ARHGEF3: variants seen among roughly 807,000 people sequenced by gnomAD.
The protein encoded by ARHGEF3 is Rho guanine nucleotide exchange factor 3.
A neutral mutation model predicts 63.2 loss-of-function variants in ARHGEF3; 28 were observed. The observed-to-expected ratio is 0.44, with a 90% confidence interval of 0.33 to 0.61. The LOEUF is 0.61. Among genes scored for constraint, ARHGEF3 ranks in the 20% least tolerant of loss-of-function variants. ARHGEF3 has a pLI of 0.03. For synonymous variants in ARHGEF3, 266 were observed against 254.2 expected (o/e 1.05, Z -0.44); for missense variants, 533 against 659.3 (o/e 0.81, Z 2.10).
Position 56,806,977 on chromosome 3 carries a change from G to A in ARHGEF3, c.193-33161C>T, listed in dbSNP as rs945403511. ...TTGCTCACTGCAACCTCCACCTCCC[G>A]GCCTCAAGCAATTTTCCCGCCTCAG... On this transcript the variant is annotated intron_variant, in intron 4 of 12. Transcript: ENST00000338458. Among the ~76,000 whole-genome samples the A allele has an allele frequency of 5.3e-5, 8 of 151,324 alleles. No homozygotes were observed. In the South Asian group the frequency reaches 8.4e-4, roughly 16 times the overall value.
At chr3:57,055,950 G>A (rs1406328287) in intron 1 of ARHGEF3, among the ~76,000 whole-genome samples, 1 of 152,196 alleles carries the variant, frequency 6.6e-6, no homozygotes, top group Non-Finnish European at 1.5e-5. Flanking sequence ...ATGTGAATAG[G>A]GAAAAGGTAA....
intron 4 of ARHGEF3, among the ~76,000 whole-genome samples, chr3:56,858,898 G>T (rs35992377): frequency 0.35 from 53,926 of 152,032 alleles, 11,014 homozygotes; most frequent in Non-Finnish European, 0.45. Context: ...TTAAGTCAGG[G>T]ATTCTTACTT....
intron 4 of ARHGEF3, among the ~76,000 whole-genome samples, chr3:56,872,989 T>A (rs35886876): frequency 0.42 from 63,857 of 151,868 alleles, 13,494 homozygotes; most frequent in East Asian, 0.53. Flanking sequence ...ATTAACTTTT[T>A]ATTTTATTAT....
In ARHGEF3 at chr3:57,042,673, TATATATATATATATATATA is replaced by T. The variant is rs1704247295; in HGVS notation, c.-27-7516_-27-7498del. ...ATAAATATATATATATATATATATATATATATATATATATATATATATATATATTTTTTTTTTTTTTTAG... is the reference window on the plus strand; with the variant it reads ...ATAAATATATATATATATATATATATTATATATATTTTTTTTTTTTTTTAG... On this transcript the variant is annotated intron_variant, in intron 1 of 12. Transcript: ENST00000338458. 3.8e-3 allele frequency among the ~76,000 whole-genome samples: 144 copies of T among 37,648 alleles called. 6 individuals carry two copies. Among genetic ancestry groups the T allele is most frequent in the African/African-American group, 9.8e-3 (94 of 9,590 alleles). The allele number at this position is 37,648 out of a possible 152,430, so 24.7% of individuals were successfully genotyped here.
rs1699788470 is a variant in ARHGEF3 at position 56,951,134 on chromosome 3, TG to T, written c.129+7688del. Among the ~76,000 whole-genome samples, 2 of 147,796 alleles carry T rather than the reference TG, an allele frequency of 1.4e-5. 1 individual carries two copies. The highest frequency in any genetic ancestry group is 5.1e-5 in the African/African-American group (2 of 39,550). Reference sequence around the variant, plus strand: ...TCACACACCGGGGCCTGTTGTGCGGTGGGGGGAGGGGGGATGGATAGCATTA... The same window carrying T: ...TCACACACCGGGGCCTGTTGTGCGGTGGGGGAGGGGGGATGGATAGCATTA... On this transcript the variant is annotated intron_variant, in intron 3 of 12. Transcript: ENST00000338458.
At chr3:56,921,058 A>C (rs1371814543) in intron 3 of ARHGEF3, among the ~76,000 whole-genome samples, 4 of 108,826 alleles carry the variant, frequency 3.7e-5, no homozygotes, top group East Asian at 7.4e-4. Context: ...CCATCTCAAA[A>C]AAAAAAAAAA....
intron 1 of ARHGEF3, among the ~76,000 whole-genome samples, chr3:56,799,781 T>C (rs1387442682): frequency 5.9e-5 from 9 of 152,198 alleles, no homozygotes; most frequent in Admixed American, 2.6e-4. Flanking sequence ...TATCAGGAAG[T>C]GATATGCTCA....
chr3:56,922,427 G>A (rs13075814), intron 3 of ARHGEF3, among the ~76,000 whole-genome samples: 4,464 of 134,644 alleles, frequency 0.033, 108 homozygotes, highest in Middle Eastern at 0.058. Flanking sequence ...TTGGAAATGA[G>A]ACTTACTATT....
At chr3:56,865,587 A>G (rs565753148) in intron 4 of ARHGEF3, among the ~76,000 whole-genome samples, 34 of 152,330 alleles carry the variant, frequency 2.2e-4, no homozygotes, top group Admixed American at 7.8e-4. Context: ...CCTCTATGGA[A>G]GTTAGTAAAT....
At chr3:56,782,709 C>T (rs115604002) in intron 1 of ARHGEF3, among the ~76,000 whole-genome samples, 1,788 of 151,206 alleles carry the variant, frequency 0.012, 35 homozygotes, top group African/African-American at 0.041. Flanking sequence ...CAGGGACAGC[C>T]TGGATAACTA....
intron 1 of ARHGEF3, among the ~76,000 whole-genome samples, chr3:57,044,558 G>A (rs892107208): frequency 6.6e-6 from 1 of 152,206 alleles, no homozygotes; most frequent in Non-Finnish European, 1.5e-5. Flanking sequence ...CCACCAGGCA[G>A]CCTACAGGTT....
chr3:56,968,245 T>TTATATA (rs1560094398), intron 2 of ARHGEF3, among the ~76,000 whole-genome samples: 22 of 42,986 alleles, frequency 5.1e-4, no homozygotes, highest in Admixed American at 9.8e-4. Context: ...AATATATATA[T>TTATATA]TAATATATAA....
chr3:56,846,691 ACT>A (rs774407639), intron 4 of ARHGEF3, among the ~76,000 whole-genome samples: 57 of 152,112 alleles, frequency 3.7e-4, no homozygotes, highest in Non-Finnish European at 7.5e-4. Flanking sequence ...GTATGGACTA[ACT>A]TCACAACTTT....
At position 56,832,111 on chromosome 3, in the gene ARHGEF3, G is replaced by A. The variant is rs537067623; in HGVS notation, c.192+50181C>T. On this transcript the variant is annotated intron_variant, in intron 4 of 12. Transcript: ENST00000338458. ...CAGTGGGATCTTAGCAGGCAAAGCA[G>A]GGCTCTGAGCTGGACAAGCAGGCAG... Among the ~76,000 whole-genome samples, 3 of 152,346 alleles carry A rather than the reference G, an allele frequency of 2.0e-5. No individual in the cohort carries two copies. The South Asian group carries it at 6.2e-4, about 32-fold the overall frequency.
intron 4 of ARHGEF3, among the ~76,000 whole-genome samples, chr3:56,842,474 C>A (rs974961364): frequency 6.6e-6 from 1 of 152,208 alleles, no homozygotes; most frequent in Admixed American, 6.5e-5. Flanking sequence ...CTTCTATAGA[C>A]TGCTTCCCAG....
chr3:56,926,275 G>A (rs1418693503), intron 3 of ARHGEF3, among the ~76,000 whole-genome samples: 1 of 152,166 alleles, frequency 6.6e-6, no homozygotes, highest in African/African-American at 2.4e-5. Flanking sequence ...ACAGTCAAGG[G>A]GTCTATGGAA....
intron 2 of ARHGEF3, among the ~76,000 whole-genome samples, chr3:56,990,429 C>T (rs1317835142): frequency 6.6e-6 from 1 of 152,132 alleles, no homozygotes; most frequent in Non-Finnish European, 1.5e-5. Flanking sequence ...ACTAAAAATA[C>T]AAAAATTACT....
At chr3:56,896,054 G>A (rs1399534881) in intron 3 of ARHGEF3, among the ~76,000 whole-genome samples, 2 of 152,238 alleles carry the variant, frequency 1.3e-5, no homozygotes, top group Non-Finnish European at 2.9e-5. Flanking sequence ...CTGGAGTTGT[G>A]TGGTGAGAGT....
chr3:57,039,461 G>C (rs549743206), intron 1 of ARHGEF3, among the ~76,000 whole-genome samples: 3 of 152,276 alleles, frequency 2.0e-5, no homozygotes, highest in African/African-American at 7.2e-5. Flanking sequence ...ATTCTAGAAT[G>C]TCCTCAGTAG....
Sources: gnomAD v4.1 joint callset for allele counts (sites outside exome capture counted in the v4.1 genomes callset) on GRCh38, gnomAD v4.1.1 for gene constraint, MANE v1.5 for transcripts, NCBI Gene and HGNC (gene_info 2026-07-23, HGNC 2026-07-21) for gene names.